Variants in CNBD1 observed in about 807,000 individuals in gnomAD.
CNBD1 encodes cyclic nucleotide binding domain containing 1, also known as cyclic nucleotide-binding domain-containing protein 1.
CNBD1 carries 71 observed loss-of-function variants against 54.4 expected under a neutral mutation model. That is an observed-to-expected ratio of 1.30 (90% CI 1.08 to 1.59). The LOEUF (loss-of-function observed/expected upper bound fraction) is 1.59. CNBD1 is among the 40% of genes most tolerant of loss of function. The pLI is 0.00. For missense variants in CNBD1, 659 were observed against 518.0 expected, an observed-to-expected ratio of 1.27 and a Z score of -2.64; for synonymous variants, 182 against 170.7, an observed-to-expected ratio of 1.07 and a Z score of -0.51.
At chr8:86,892,905 TA>T in intron 2 of CNBD1, among the ~76,000 whole-genome samples, 1 of 152,050 alleles carries the variant, frequency 6.6e-6, no homozygotes, top group East Asian at 1.9e-4. Flanking sequence ...TCTTAAGAAA[TA>T]AAGAAATGAA....
chr8:87,373,534 A>T (rs1586058117), intron 10 of CNBD1, among the ~76,000 whole-genome samples: 1 of 151,960 alleles, frequency 6.6e-6, no homozygotes, highest in East Asian at 1.9e-4. Flanking sequence ...CCTTAAATGT[A>T]ACTTGTTTTT....
At chr8:87,369,837 T>C (rs1227182511) in intron 10 of CNBD1, among the ~76,000 whole-genome samples, 3 of 152,078 alleles carry the variant, frequency 2.0e-5, no homozygotes, top group East Asian at 3.9e-4. Context: ...TAACTAGTCA[T>C]TTAGCATTAG....
chr8:87,246,773 C>A (rs1008192137), intron 6 of CNBD1, among the ~76,000 whole-genome samples: 2 of 152,002 alleles, frequency 1.3e-5, no homozygotes, highest in Non-Finnish European at 2.9e-5. Flanking sequence ...TTGTAGAAGA[C>A]AATTTTTCCA....
chr8:87,302,760 C>G (rs1343803666), intron 8 of CNBD1, among the ~76,000 whole-genome samples: 1 of 151,998 alleles, frequency 6.6e-6, no homozygotes, highest in Non-Finnish European at 1.5e-5. Flanking sequence ...CCAAAATCTC[C>G]TTAAGCTGAT....
chr8:87,321,645 T>G (rs1478935902), intron 8 of CNBD1, among the ~76,000 whole-genome samples: 1 of 152,102 alleles, frequency 6.6e-6, no homozygotes, highest in Non-Finnish European at 1.5e-5. Context: ...ATAGGCTGCC[T>G]TTTTCTCTAT....
intron 4 of CNBD1, among the ~76,000 whole-genome samples, chr8:87,081,479 TG>T (rs1050480486): frequency 6.6e-6 from 1 of 151,768 alleles, no homozygotes; most frequent in Non-Finnish European, 1.5e-5. Flanking sequence ...CTGCTGTTAT[TG>T]GGTGGACTAT....
chr8:86,927,197 G>A (rs954794727), intron 3 of CNBD1, among the ~76,000 whole-genome samples: 5 of 152,108 alleles, frequency 3.3e-5, no homozygotes, highest in African/African-American at 1.2e-4. Flanking sequence ...AGGGGTGTTG[G>A]GAGCAAACTG....
At chr8:87,034,964 G>A (rs1809880732) in intron 4 of CNBD1, among the ~76,000 whole-genome samples, 1 of 151,950 alleles carries the variant, frequency 6.6e-6, no homozygotes, top group African/African-American at 2.4e-5. Context: ...TGGAATTTAT[G>A]CGGATTTTTT....
At chr8:87,366,730 C>G (rs2130942739) in intron 10 of CNBD1, among the ~76,000 whole-genome samples, 1 of 152,162 alleles carries the variant, frequency 6.6e-6, no homozygotes, top group Non-Finnish European at 1.5e-5. Flanking sequence ...ACAGGTATCT[C>G]TGCTTTCCAC....
At chr8:87,226,950 A>G (rs917935257) in intron 5 of CNBD1, among the ~76,000 whole-genome samples, 1 of 151,634 alleles carries the variant, frequency 6.6e-6, no homozygotes, top group East Asian at 1.9e-4. Context: ...TATATTTAGG[A>G]TAGTTAGCTC....
intron 2 of CNBD1, among the ~76,000 whole-genome samples, chr8:87,407,029 A>C (rs1807664007): frequency 6.6e-6 from 1 of 152,100 alleles, no homozygotes; most frequent in African/African-American, 2.4e-5. Flanking sequence ...CCTGAAGGCT[A>C]TCATATATAC....
intron 4 of CNBD1, among the ~76,000 whole-genome samples, chr8:86,983,533 A>G (rs950191058): frequency 2.0e-5 from 3 of 152,202 alleles, no homozygotes; most frequent in African/African-American, 7.2e-5. Flanking sequence ...GGAACTTCCT[A>G]AAGACTTGTA....
intron 4 of CNBD1, among the ~76,000 whole-genome samples, chr8:87,027,070 A>G (rs1798994740): frequency 6.6e-6 from 1 of 152,174 alleles, no homozygotes; most frequent in Admixed American, 6.5e-5. Context: ...TTTGGGCTTA[A>G]CTTATGAGTG....
chr8:87,363,844 A>C (rs891785977), intron 10 of CNBD1, among the ~76,000 whole-genome samples: 3 of 151,870 alleles, frequency 2.0e-5, no homozygotes, highest in Admixed American at 6.6e-5. Flanking sequence ...GCTGTGCAGA[A>C]GCTCTTTAGT....
At chr8:87,309,853 A>T (rs1809228789) in intron 8 of CNBD1, among the ~76,000 whole-genome samples, 1 of 152,130 alleles carries the variant, frequency 6.6e-6, no homozygotes, top group African/African-American at 2.4e-5. Context: ...CAAGAAAAAA[A>T]ATAAAATAAA....
chr8:87,327,868 G>A (rs1373989804), intron 8 of CNBD1, among the ~76,000 whole-genome samples: 3 of 152,014 alleles, frequency 2.0e-5, no homozygotes, highest in Admixed American at 6.5e-5. Context: ...ACAGTTTAAA[G>A]TTTTATGTTA....
intron 8 of CNBD1, among the ~76,000 whole-genome samples, chr8:87,329,549 AG>A (rs1809771144): frequency 6.6e-6 from 1 of 152,108 alleles, no homozygotes; most frequent in Admixed American, 6.6e-5. Flanking sequence ...ATATCTCTCC[AG>A]TTATATAGTA....
At chr8:87,300,528 T>A (rs1194558311) in intron 8 of CNBD1, among the ~76,000 whole-genome samples, 1 of 152,196 alleles carries the variant, frequency 6.6e-6, no homozygotes, top group East Asian at 1.9e-4. Flanking sequence ...TTAGGGCCAC[T>A]AGCTGGTCAC....
intron 5 of CNBD1, among the ~76,000 whole-genome samples, chr8:87,234,627 G>T (rs1220005102): frequency 6.6e-6 from 1 of 152,140 alleles, no homozygotes; most frequent in African/African-American, 2.4e-5. Flanking sequence ...AAGATATGTT[G>T]TCATCTAGGC....
Sources: gnomAD v4.1 joint callset for allele counts (sites outside exome capture counted in the v4.1 genomes callset) on GRCh38, gnomAD v4.1.1 for gene constraint, MANE v1.5 for transcripts, NCBI Gene and HGNC (gene_info 2026-07-23, HGNC 2026-07-21) for gene names.